Variants in EXOC2 observed in about 807,000 individuals in gnomAD.
EXOC2 encodes the protein SEC5-like 1.
Under a neutral mutation model 131.8 loss-of-function variants are expected in EXOC2, and 70 were observed. That is an observed-to-expected ratio of 0.53 (90% confidence interval 0.44 to 0.65). The LOEUF (loss-of-function observed/expected upper bound fraction) is 0.65. EXOC2 is among the 30% of genes least tolerant of loss of function. The probability of loss-of-function intolerance (pLI) is 0.00; values close to 1 mark genes in which losing one functional copy is unlikely to be tolerated. For missense variants in EXOC2, 923 were observed against 1,108.6 expected (o/e 0.83, Z 2.38); for synonymous variants, 411 against 398.4 (o/e 1.03, Z -0.38).
intron 25 of EXOC2, among the ~76,000 whole-genome samples, chr6:495,404 G>T (rs1016709051): frequency 3.9e-5 from 6 of 151,950 alleles, no homozygotes; most frequent in Non-Finnish European, 7.4e-5. Context: ...GATTACAGGT[G>T]TGAGCCACCG....
At chr6:487,646 C>T (rs1418089851) in intron 27 of EXOC2, among the ~76,000 whole-genome samples, 2 of 152,042 alleles carry the variant, frequency 1.3e-5, no homozygotes. Flanking sequence ...AAGTCGTGAT[C>T]CGCCCACCTC....
At chr6:599,255 A>G in intron 7 of EXOC2, 30 bp from the exon 8 acceptor site, 1 of 1,507,600 alleles carries the variant, frequency 6.6e-7, no homozygotes, top group Non-Finnish European at 8.9e-7. Context: ...GGAAACTTAG[A>G]TGAAAGCTGA....
At chr6:660,306 G>A (rs1763367570) in intron 1 of EXOC2, among the ~76,000 whole-genome samples, 1 of 152,088 alleles carries the variant, frequency 6.6e-6, no homozygotes, top group Non-Finnish European at 1.5e-5. Flanking sequence ...ATGCTTTCTG[G>A]AAAGCACCAC....
At chr6:630,291 T>C (rs1761781121) in intron 3 of EXOC2, among the ~76,000 whole-genome samples, 1 of 152,182 alleles carries the variant, frequency 6.6e-6, no homozygotes, top group South Asian at 2.1e-4. Flanking sequence ...CAATTAAACA[T>C]TGTTAAATGT....
chr6:556,203 A>T (rs575277448), intron 18 of EXOC2, among the ~76,000 whole-genome samples, 190 bp from the exon 19 acceptor site: 2 of 152,302 alleles, frequency 1.3e-5, no homozygotes, highest in African/African-American at 2.4e-5. Flanking sequence ...GCTGGAGAAG[A>T]CAACGCAGTC....
chr6:685,995 G>A (rs1407753945), intron 1 of EXOC2, among the ~76,000 whole-genome samples: 49 of 143,188 alleles, frequency 3.4e-4, no homozygotes, highest in African/African-American at 1.1e-3. Flanking sequence ...TTTTTGAGAC[G>A]GAGTTTTACT....
intron 13 of EXOC2, among the ~76,000 whole-genome samples, chr6:567,601 G>A (rs1387310425): frequency 1.3e-5 from 2 of 152,138 alleles, no homozygotes; most frequent in Non-Finnish European, 2.9e-5. Context: ...CTGAGTACAT[G>A]CATGCATTTA....
intron 1 of EXOC2, among the ~76,000 whole-genome samples, chr6:683,294 G>A (rs1314302378): frequency 6.6e-6 from 1 of 152,208 alleles, no homozygotes; most frequent in Non-Finnish European, 1.5e-5. Flanking sequence ...GTCTACATAT[G>A]TTTATTCAAA....
At chr6:612,058 G>A (rs988735739) in intron 6 of EXOC2, among the ~76,000 whole-genome samples, 8 of 152,190 alleles carry the variant, frequency 5.3e-5, no homozygotes, top group African/African-American at 1.9e-4. Context: ...TCTGTGTAGG[G>A]TAGTATCTAA....
At chr6:548,946 G>A (rs1237627012) in intron 22 of EXOC2, among the ~76,000 whole-genome samples, 1 of 152,156 alleles carries the variant, frequency 6.6e-6, no homozygotes, top group African/African-American at 2.4e-5. Flanking sequence ...CCTTGAGGGA[G>A]CTCTGCTCTA....
intron 1 of EXOC2, among the ~76,000 whole-genome samples, 152 bp downstream of exon 1, chr6:692,867 C>T (rs939479715): frequency 7.7e-6 from 1 of 130,244 alleles, no homozygotes; most frequent in Non-Finnish European, 1.7e-5. Flanking sequence ...CGCGGGGGGT[C>T]GCGGGGCCCC....
At chr6:660,755 G>GA (rs1328455772) in intron 1 of EXOC2, among the ~76,000 whole-genome samples, 5 of 151,814 alleles carry the variant, frequency 3.3e-5, no homozygotes, top group South Asian at 4.2e-4. Context: ...CAACACCCCC[G>GA]AAAAAATCAC....
At chr6:650,518 C>T (rs889135633) in intron 1 of EXOC2, among the ~76,000 whole-genome samples, 1 of 152,164 alleles carries the variant, frequency 6.6e-6, no homozygotes, top group African/African-American at 2.4e-5. Flanking sequence ...TATAATTACA[C>T]AATATTAGTT....
chr6:508,655 C>T (rs56024433), intron 23 of EXOC2, among the ~76,000 whole-genome samples: 26,555 of 152,180 alleles, frequency 0.17, 2,711 homozygotes, highest in African/African-American at 0.28. Context: ...CCAGATGGAC[C>T]GTAACACATT....
chr6:619,456 A>G lies in EXOC2; in HGVS notation c.510T>C (p.Tyr170=). The G allele has an allele frequency of 6.2e-7, 1 of 1,614,074 alleles. No homozygotes were observed. The highest frequency in any genetic ancestry group is 8.5e-7 in the Non-Finnish European group (1 of 1,179,934). The change falls in exon 5 of 28, where the codon TAT becomes TAC. Residue 170 remains tyrosine, a synonymous_variant. Transcript: ENST00000230449. ...TGGTGTTTGAGTGATTCTCTATAAG[A>G]TACCAGGCTGCTGAGAAATTCTCAC... is the stretch of plus-strand genomic sequence containing the variant. ...FTSENFSAAW[Y]LIENHSNTSF...
At chr6:659,516 G>A (rs1278875330) in intron 1 of EXOC2, among the ~76,000 whole-genome samples, 1 of 152,162 alleles carries the variant, frequency 6.6e-6, no homozygotes, top group African/African-American at 2.4e-5. Flanking sequence ...GCAGGACCTG[G>A]GAGACACTCC....
chr6:509,816 C>T (rs981203830), intron 23 of EXOC2, among the ~76,000 whole-genome samples: 10 of 152,144 alleles, frequency 6.6e-5, no homozygotes, highest in African/African-American at 1.7e-4. Flanking sequence ...GTTGTTTTGA[C>T]GCATAACACT....
rs1436563083 is a variant in EXOC2, at chr6:574,688, G to C, written c.1319-2044C>G. Reference sequence around the variant, plus strand: ...TTTTCATTCAGCTAATATTTATTGAGGATTAACCGTGTGCTTATCATGTGG... The same window carrying C: ...TTTTCATTCAGCTAATATTTATTGACGATTAACCGTGTGCTTATCATGTGG... On this transcript the variant is annotated intron_variant, in intron 12 of 27. Transcript: ENST00000230449. 3.3e-5 allele frequency among the ~76,000 whole-genome samples: 5 copies of C among 152,194 alleles called. No homozygotes were observed. In the East Asian group the frequency reaches 9.6e-4, roughly 29 times the overall value.
chr6:590,259 G>C (rs1265385751), intron 11 of EXOC2, among the ~76,000 whole-genome samples: 1 of 152,142 alleles, frequency 6.6e-6, no homozygotes, highest in Non-Finnish European at 1.5e-5. Flanking sequence ...AAAGACTGCA[G>C]ACTGTGTGTA....
Sources: allele counts gnomAD v4.1 joint callset (sites outside exome capture counted in the v4.1 genomes callset), GRCh38; gene constraint gnomAD v4.1.1; transcripts MANE v1.5; gene names NCBI Gene and HGNC (gene_info 2026-07-23, HGNC 2026-07-21).